PCDH15: variants seen among roughly 807,000 people sequenced by gnomAD.
PCDH15 encodes protocadherin-15.
PCDH15 carries 129 observed loss-of-function variants against 178.5 expected under a neutral mutation model. That is an observed-to-expected ratio of 0.72 (90% CI 0.63 to 0.84). The LOEUF (loss-of-function observed/expected upper bound fraction) is 0.84. Ranked by LOEUF, PCDH15 falls within the 40% of genes least tolerant of loss-of-function variation. The pLI, the probability that PCDH15 is intolerant of heterozygous loss-of-function variation, is 0.00. For synonymous variants in PCDH15, 800 were observed against 732.0 expected (o/e 1.09, Z -1.50); for missense variants, 2,230 against 2,099.9 (o/e 1.06, Z -1.21).
chr10:54,707,173 G>A (rs909268313), intron 1 of PCDH15, among the ~76,000 whole-genome samples: 7 of 152,144 alleles, frequency 4.6e-5, no homozygotes, highest in African/African-American at 1.7e-4. Flanking sequence ...AGTAAATTGA[G>A]GTGGTAGGCT....
intron 1 of PCDH15, among the ~76,000 whole-genome samples, chr10:55,278,387 T>C (rs1319463203): frequency 6.6e-6 from 1 of 152,158 alleles, no homozygotes; most frequent in Non-Finnish European, 1.5e-5. Flanking sequence ...CATATCTGTT[T>C]ATATTTTCTT....
chr10:54,534,182 A>G (rs1817919056), intron 2 of PCDH15, among the ~76,000 whole-genome samples: 1 of 151,942 alleles, frequency 6.6e-6, no homozygotes, highest in Non-Finnish European at 1.5e-5. Flanking sequence ...TGTTTTTTCT[A>G]TTTTTTTCCT....
At chr10:54,317,796 T>A (rs534095278) in intron 7 of PCDH15, among the ~76,000 whole-genome samples, 1 of 151,474 alleles carries the variant, frequency 6.6e-6, no homozygotes, top group Admixed American at 6.6e-5. Flanking sequence ...AAAAAGAAAT[T>A]AGGCACAATG....
chr10:53,996,999 C>T (rs2091886638), intron 20 of PCDH15, among the ~76,000 whole-genome samples: 2 of 152,084 alleles, frequency 1.3e-5, no homozygotes, highest in African/African-American at 4.8e-5. Context: ...TCTCAAACTT[C>T]TCTTTTTGCA....
intron 2 of PCDH15, among the ~76,000 whole-genome samples, chr10:55,462,938 T>C (rs1355497850): frequency 5.3e-5 from 8 of 152,096 alleles, no homozygotes; most frequent in Non-Finnish European, 1.2e-4. Flanking sequence ...TCTGCCTTTA[T>C]TCTGATTGTG....
Position 54,669,415 on chromosome 10 carries a change from T to C in PCDH15, c.-28-5125A>G, listed in dbSNP as rs532894873. Among the ~76,000 whole-genome samples, 4 of 151,146 alleles carry C rather than the reference T, an allele frequency of 2.6e-5. No individual in the cohort carries two copies. The South Asian group carries it at 8.3e-4, about 31-fold the overall frequency. On this transcript the variant is annotated intron_variant, in intron 1 of 37. Coordinates refer to ENST00000644397, the MANE Select transcript of PCDH15 (RefSeq NM_001384140.1). ...TATTTATTGACAATTTTATAGTACA[T>C]TTATACATATTTATATATAAAATTA...
chr10:55,281,466 G>T (rs185605974), intron 1 of PCDH15, among the ~76,000 whole-genome samples: 49 of 148,716 alleles, frequency 3.3e-4, no homozygotes, highest in African/African-American at 1.1e-3. Flanking sequence ...TACCATCTCC[G>T]ACATGAGAAT....
chr10:54,019,125 T>A (rs1211342643), intron 20 of PCDH15, among the ~76,000 whole-genome samples: 2 of 152,046 alleles, frequency 1.3e-5, no homozygotes, highest in African/African-American at 4.8e-5. Flanking sequence ...CCCTTTTTCA[T>A]CATTCCAAGT....
chr10:55,205,031 T>C (rs1375095805), intron 1 of PCDH15, among the ~76,000 whole-genome samples: 1 of 152,066 alleles, frequency 6.6e-6, no homozygotes, highest in Non-Finnish European at 1.5e-5. Context: ...TCTCTGGAAG[T>C]TGGTTGAATA....
At chr10:54,468,674 T>C (rs2077690454) in intron 3 of PCDH15, among the ~76,000 whole-genome samples, 1 of 152,184 alleles carries the variant, frequency 6.6e-6, no homozygotes, top group Non-Finnish European at 1.5e-5. Context: ...GGGTTTAAAG[T>C]GCAATTTAAA....
chr10:54,492,011 C>T (rs530401042), intron 3 of PCDH15, among the ~76,000 whole-genome samples: 1 of 152,242 alleles, frequency 6.6e-6, no homozygotes, highest in East Asian at 1.9e-4. Flanking sequence ...AGTAATATGT[C>T]ATTTGTTATT....
chr10:55,216,347 T>A (rs1038072983), intron 1 of PCDH15, among the ~76,000 whole-genome samples: 3 of 151,998 alleles, frequency 2.0e-5, no homozygotes, highest in African/African-American at 7.2e-5. Context: ...TGTTACAGAA[T>A]TAATAACTTT....
At chr10:54,279,383 C>T (rs546733596) in intron 8 of PCDH15, among the ~76,000 whole-genome samples, 30 of 151,604 alleles carry the variant, frequency 2.0e-4, no homozygotes, top group African/African-American at 7.0e-4. Flanking sequence ...TCTCAACTCT[C>T]CCAATAGTGC....
At chr10:54,454,704 AGACACACATTTCTAAGT>A (rs1377370327) in intron 3 of PCDH15, among the ~76,000 whole-genome samples, 1 of 152,192 alleles carries the variant, frequency 6.6e-6, no homozygotes, top group African/African-American at 2.4e-5. Context: ...AAAGAAACCC[AGACACACATTTCTAAGT>A]GCAATGACAG....
At chr10:53,970,913 G>A (rs1287068742) in intron 21 of PCDH15, among the ~76,000 whole-genome samples, 1 of 152,128 alleles carries the variant, frequency 6.6e-6, no homozygotes, top group Non-Finnish European at 1.5e-5. Context: ...AATAGAAAAA[G>A]AAGGAATCCT....
intron 2 of PCDH15, among the ~76,000 whole-genome samples, chr10:55,346,278 T>C (rs1486394792): frequency 6.6e-6 from 1 of 152,190 alleles, no homozygotes; most frequent in Admixed American, 6.6e-5. Flanking sequence ...ATAGAAGTGT[T>C]GCATGTGTAC....
At chr10:53,894,524 AG>A (rs1424141165) in intron 26 of PCDH15, among the ~76,000 whole-genome samples, 1 of 152,170 alleles carries the variant, frequency 6.6e-6, no homozygotes, top group African/African-American at 2.4e-5. Flanking sequence ...CCTTTACTTC[AG>A]GCTGGTTCTT....
At chr10:54,234,338 G>C (rs955517999) in intron 9 of PCDH15, among the ~76,000 whole-genome samples, 4 of 152,014 alleles carry the variant, frequency 2.6e-5, no homozygotes, top group African/African-American at 9.7e-5. Flanking sequence ...CAATGTATTG[G>C]ATCAAATTCT....
intron 2 of PCDH15, among the ~76,000 whole-genome samples, chr10:54,582,541 G>A (rs547362029): frequency 7.9e-5 from 12 of 152,000 alleles, no homozygotes; most frequent in Admixed American, 5.3e-4. Flanking sequence ...CAAACAAAAC[G>A]GTAGGTGCTC....
Sources: gnomAD v4.1 joint callset for allele counts (sites outside exome capture counted in the v4.1 genomes callset) on GRCh38, gnomAD v4.1.1 for gene constraint, MANE v1.5 for transcripts, NCBI Gene and HGNC (gene_info 2026-07-23, HGNC 2026-07-21) for gene names.